The following NECAB3 variants were observed in gnomAD, a reference collection of about 807,000 sequenced individuals.
The protein encoded by NECAB3 is N-terminal EF-hand calcium binding protein 3.
NECAB3 carries 38 observed loss-of-function variants against 57.2 expected under a neutral mutation model. The ratio of observed to expected loss-of-function variants is 0.66; its 90% CI spans 0.51 to 0.87. The LOEUF is 0.87. Ranked by LOEUF, NECAB3 falls within the 40% of genes least tolerant of loss-of-function variation. NECAB3 has a pLI of 0.00. For missense variants in NECAB3, 474 were observed against 527.5 expected, an observed-to-expected ratio of 0.90 and a Z score of 0.99; for synonymous variants, 223 against 222.6, an observed-to-expected ratio of 1.00 and a Z score of -0.02.
At chr20:33,663,704 G>C (rs1199326947) in intron 5 of NECAB3, 5 of 1,538,090 alleles carry the variant, frequency 3.3e-6, no homozygotes, top group Admixed American at 1.9e-5. Context: ...CTGCTGCTGC[G>C]GCGGCAAGAG....
At chr20:33,661,709 G>A (rs988038183) in intron 5 of NECAB3, among the ~76,000 whole-genome samples, 57 of 152,304 alleles carry the variant, frequency 3.7e-4, no homozygotes, top group African/African-American at 1.2e-3. Context: ...GGAGTGAAGC[G>A]GCATGATCTT....
At chr20:33,662,274 A>G in intron 5 of NECAB3, 2 of 1,529,028 alleles carry the variant, frequency 1.3e-6, no homozygotes, top group Non-Finnish European at 1.8e-6. Context: ...GTGAGGTCAC[A>G]ATGTTGCCAG....
At chr20:33,672,893 C>A (rs549468451) in intron 1 of NECAB3, among the ~76,000 whole-genome samples, 2 of 152,178 alleles carry the variant, frequency 1.3e-5, no homozygotes, top group Non-Finnish European at 1.5e-5. Flanking sequence ...TGTTTCCTTG[C>A]GTGCTGTTGA....
intron 5 of NECAB3, chr20:33,668,350 A>AC: frequency 1.4e-6 from 2 of 1,381,572 alleles, no homozygotes; most frequent in South Asian, 1.8e-5. Flanking sequence ...TGGATGGGTC[A>AC]CCCCCATACC....
Position 33,660,203 on chromosome 20 carries a change from G to C in NECAB3, c.524+56C>G, listed in dbSNP as rs2017422249. 4 of 1,586,534 alleles carry C rather than the reference G, an allele frequency of 2.5e-6. No individual in the cohort carries two copies. The highest frequency in any genetic ancestry group is 2.6e-6 in the Non-Finnish European group (3 of 1,162,606). On this transcript the variant is annotated intron_variant, in intron 6 of 11. Coordinates refer to ENST00000246190, the MANE Select transcript of NECAB3 (RefSeq NM_031232.4). This position sits in a 1 kb window ranked among gnomAD's most constrained non-coding sequence, Gnocchi z 4.1. ...GCTGGGACTGTGGGGATTTGGAATG[G>C]GGGTACAATGGGCGCTTGTGCACTA...
At chr20:33,662,345 C>T in intron 5 of NECAB3, 1 of 1,551,160 alleles carries the variant, frequency 6.4e-7, no homozygotes, top group Non-Finnish European at 8.7e-7. Flanking sequence ...CCAGCCCTGC[C>T]ATGGGAAACT....
At chr20:33,668,738 G>A (rs955231103) in intron 5 of NECAB3, among the ~76,000 whole-genome samples, 1 of 152,224 alleles carries the variant, frequency 6.6e-6, no homozygotes, top group African/African-American at 2.4e-5. Context: ...GCACAATCCC[G>A]GGCCTGCTCA....
At chr20:33,667,735 C>T in intron 5 of NECAB3, 1 of 1,612,414 alleles carries the variant, frequency 6.2e-7, no homozygotes, top group Non-Finnish European at 8.5e-7. Flanking sequence ...CATCACACAT[C>T]TCAAGAAGCG....
At chr20:33,670,819 G>A (rs769497814) in intron 2 of NECAB3, 27 bp from the exon 3 acceptor site, 87 of 1,560,620 alleles carry the variant, frequency 5.6e-5, no homozygotes, top group South Asian at 4.0e-4. Flanking sequence ...AGGACAGGGA[G>A]CAGAGGAGGT....
rs373938190 is a variant in NECAB3, at chr20:33,669,487, G to A, written c.290-15C>T. 11 of 1,613,096 alleles carry A rather than the reference G, an allele frequency of 6.8e-6. No homozygotes were observed. Among genetic ancestry groups the A allele is most frequent in the Non-Finnish European group, 9.3e-6 (11 of 1,179,698 alleles). ...TGAGAAGTAGTCTGCAGGCAGAAGA[G>A]GTGCTCAAGGGTTCCTGGACCCCCA... On this transcript the variant is annotated splice_polypyrimidine_tract_variant and intron_variant, in intron 4 of 11. Coordinates refer to ENST00000246190, the MANE Select transcript of NECAB3 (RefSeq NM_031232.4).
At position 33,658,702 on chromosome 20, in the gene NECAB3, C is replaced by A. The variant is rs1223421733; in HGVS notation, c.992+20G>T. ...CACCCCCTCCCCACTGGCCATCCCA[C>A]CTGCCAGCTGGGGACTCACTGCAGA... On this transcript the variant is annotated intron_variant, in intron 9 of 11. Transcript: ENST00000246190. The A allele has an allele frequency of 6.2e-7, 1 of 1,607,804 alleles. No homozygotes were observed. The highest frequency in any genetic ancestry group is 1.1e-5 in the South Asian group (1 of 90,946).
rs755551381 is a variant in NECAB3, at chr20:33,660,428, C to T, written c.388-33G>A. On this transcript the variant is annotated intron_variant, in intron 5 of 11. Transcript: ENST00000246190. The surrounding 1 kb of genome is among the most constrained non-coding windows in gnomAD (Gnocchi z 4.1). ...CCAAGGAGGGACGGTCAGCATCTCC[C>T]AGCCCGGGCACTGATCTCTTGAGTG... 10 of 1,606,954 alleles carry T rather than the reference C, an allele frequency of 6.2e-6. No individual in the cohort carries two copies. Among genetic ancestry groups the T allele is most frequent in the Non-Finnish European group, 8.5e-6 (10 of 1,175,548 alleles).
chr20:33,663,686 C>G (rs778877884), intron 5 of NECAB3: 5 of 1,584,144 alleles, frequency 3.2e-6, no homozygotes, highest in Non-Finnish European at 3.4e-6. Context: ...CCGAGGATGC[C>G]GGTACTGCTG....
chr20:33,663,557 T>A, intron 5 of NECAB3: 1 of 1,606,456 alleles, frequency 6.2e-7, no homozygotes, highest in Non-Finnish European at 8.5e-7. Flanking sequence ...ATTCTCCCCC[T>A]GGACAAGCGG....
intron 3 of NECAB3, among the ~76,000 whole-genome samples, 184 bp from the exon 4 acceptor site, chr20:33,669,896 G>A (rs966744760): frequency 1.3e-5 from 2 of 152,152 alleles, no homozygotes; most frequent in African/African-American, 2.4e-5. Context: ...GGGTTCTACT[G>A]CCCCCACCAA....
chr20:33,660,150 C>T lies in NECAB3; in HGVS notation c.524+109G>A, dbSNP rs900295082. 4.6e-6 allele frequency: 7 copies of T among 1,532,654 alleles called. No homozygotes were observed. Among genetic ancestry groups the T allele is most frequent in the Non-Finnish European group, 5.3e-6 (6 of 1,140,554 alleles). The allele number at this position is 1,532,654 out of a possible 1,614,324, so 94.9% of individuals were successfully genotyped here. A position where few individuals can be genotyped will look rare whatever the true frequency, so the allele number is the denominator to read the frequency against. On this transcript the variant is annotated intron_variant, in intron 6 of 11. Coordinates refer to ENST00000246190, the MANE Select transcript of NECAB3 (RefSeq NM_031232.4). The surrounding 1 kb of genome is among the most constrained non-coding windows in gnomAD (Gnocchi z 4.1). Reference sequence around the variant, plus strand: ...CGCCATGGCTACCCTGCCATGGCTTCCCCGCCCGAAAATGCAGGCTCCAGG... The same window carrying T: ...CGCCATGGCTACCCTGCCATGGCTTTCCCGCCCGAAAATGCAGGCTCCAGG...
chr20:33,669,488 G>T lies in NECAB3; in HGVS notation c.290-16C>A, dbSNP rs1255959607. The stretch of plus-strand genomic sequence containing the variant: ...GAGAAGTAGTCTGCAGGCAGAAGAG[G>T]TGCTCAAGGGTTCCTGGACCCCCAC... On this transcript the variant is annotated splice_polypyrimidine_tract_variant and intron_variant, in intron 4 of 11. Coordinates refer to ENST00000246190, the MANE Select transcript of NECAB3 (RefSeq NM_031232.4). The T allele has an allele frequency of 1.9e-5, 31 of 1,613,120 alleles. No homozygotes were observed. Among genetic ancestry groups the T allele is most frequent in the Non-Finnish European group, 2.5e-5 (30 of 1,179,704 alleles).
In NECAB3 at chr20:33,672,424, T is replaced by C. The variant is rs1453078454; in HGVS notation, c.130-2A>G. On this transcript the variant is annotated splice_acceptor_variant, in intron 1 of 11. Coordinates refer to ENST00000246190, the MANE Select transcript of NECAB3 (RefSeq NM_031232.4). LOFTEE classifies it high-confidence loss of function. The stretch of plus-strand genomic sequence containing the variant: ...ATTCTTGTCTGCTCTGCGGAAAACC[T>C]AGAGGACAAAGGGACATAGAGAGAA... The C allele has an allele frequency of 6.2e-7, 1 of 1,614,142 alleles. No homozygotes were observed. Among genetic ancestry groups the C allele is most frequent in the Non-Finnish European group, 8.5e-7 (1 of 1,180,000 alleles).
Position 33,660,311 on chromosome 20 carries a change from T to C in NECAB3, c.472A>G (p.Ser158Gly), listed in dbSNP as rs1219748922. Residue 158 changes from serine to glycine, a missense_variant, in exon 6 of 12, where the codon AGC becomes GGC. By Grantham distance (56) the Ser-to-Gly change is moderately conservative (BLOSUM62 0). Transcript: ENST00000246190. The surrounding 1 kb of genome is among the most constrained non-coding windows in gnomAD (Gnocchi z 4.1). ...ETVSQLQALQ[S>G]SLEGASDTLE... ...GTATCTGACGCCCCCTCCAGCGAGC[T>C]CTGAAGGGCTTGCAGCTGGCTCACC... 6.2e-7 allele frequency: 1 copy of C among 1,613,224 alleles called. No homozygotes were observed. The highest frequency in any genetic ancestry group is 8.5e-7 in the Non-Finnish European group (1 of 1,179,974).
Sources: gnomAD v4.1 joint callset for allele counts (sites outside exome capture counted in the v4.1 genomes callset) on GRCh38, gnomAD v4.1.1 for gene constraint, Gnocchi (gnomAD v3.1) non-coding constraint, MANE v1.5 for transcripts, NCBI Gene and HGNC (gene_info 2026-07-23, HGNC 2026-07-21) for gene names.